The following MAP3K20 variants were observed in gnomAD, a reference collection of about 807,000 sequenced individuals.
MAP3K20 encodes the protein mitogen-activated protein kinase kinase kinase 20.
In MAP3K20, 40 loss-of-function variants were observed where a neutral mutation model predicts 85.7. The ratio of observed to expected loss-of-function variants is 0.47; its 90% CI spans 0.36 to 0.61. The LOEUF (loss-of-function observed/expected upper bound fraction) is 0.61. Ranked by LOEUF, MAP3K20 falls within the 20% of genes least tolerant of loss-of-function variation. MAP3K20 has a pLI of 0.00. For synonymous variants in MAP3K20, 325 were observed against 327.7 expected (o/e 0.99, Z 0.09); for missense variants, 817 against 961.7 (o/e 0.85, Z 1.99).
chr2:173,254,433 CAAA>C (rs755879153), intron 16 of MAP3K20, among the ~76,000 whole-genome samples: 16 of 65,988 alleles, frequency 2.4e-4, no homozygotes, highest in African/African-American at 1.9e-4. Context: ...GACTTCGTCT[CAAA>C]AAAAAAAAAA....
intron 2 of MAP3K20, among the ~76,000 whole-genome samples, chr2:173,120,701 C>CTTTTTTTTTTTT (rs56084110): frequency 4.1e-5 from 2 of 49,214 alleles, no homozygotes; most frequent in East Asian, 8.2e-4. Flanking sequence ...ACTCTCACTT[C>CTTTTTTTTTTTT]TTTTTTTTTT....
At chr2:173,167,166 C>T (rs950787542) in intron 2 of MAP3K20, among the ~76,000 whole-genome samples, 1 of 151,956 alleles carries the variant, frequency 6.6e-6, no homozygotes, top group African/African-American at 2.4e-5. Context: ...CCACCCGCCT[C>T]GGCCTCCCAA....
chr2:173,170,179 C>A (rs1689958280), intron 3 of MAP3K20, among the ~76,000 whole-genome samples: 1 of 152,208 alleles, frequency 6.6e-6, no homozygotes. Flanking sequence ...ACTAAAATTT[C>A]ATTTAATTAG....
intron 2 of MAP3K20, among the ~76,000 whole-genome samples, chr2:173,161,933 C>A (rs1244421163): frequency 6.6e-6 from 1 of 152,068 alleles, no homozygotes; most frequent in Non-Finnish European, 1.5e-5. Flanking sequence ...TTTCCTGACC[C>A]AATCCTAGGG....
At chr2:173,183,940 C>A (rs533647942) in intron 4 of MAP3K20, among the ~76,000 whole-genome samples, 76 of 152,198 alleles carry the variant, frequency 5.0e-4, no homozygotes, top group African/African-American at 1.8e-3. Flanking sequence ...CCAAATTCTT[C>A]AAATAGGGAA....
At chr2:173,080,558 C>T (rs563928544) in intron 1 of MAP3K20, among the ~76,000 whole-genome samples, 1 of 152,342 alleles carries the variant, frequency 6.6e-6, no homozygotes, top group South Asian at 2.1e-4. Flanking sequence ...AATTAACCTA[C>T]TCCCAGGATA....
chr2:173,079,890 CT>C (rs1211064426), intron 1 of MAP3K20, among the ~76,000 whole-genome samples: 4,241 of 139,778 alleles, frequency 0.03, 137 homozygotes, highest in African/African-American at 0.09. Flanking sequence ...AGTTAATTTT[CT>C]TTTTTTTTTT....
intron 2 of MAP3K20, among the ~76,000 whole-genome samples, chr2:173,118,773 A>T (rs1688195876): frequency 6.6e-6 from 1 of 152,154 alleles, no homozygotes; most frequent in Non-Finnish European, 1.5e-5. Flanking sequence ...ATCATCTTAT[A>T]TGTTGAACTT....
At chr2:173,136,165 A>C (rs1688795278) in intron 2 of MAP3K20, among the ~76,000 whole-genome samples, 1 of 152,212 alleles carries the variant, frequency 6.6e-6, no homozygotes. Context: ...TTCCACTTTT[A>C]GGGAAAAAGG....
In MAP3K20 at chr2:173,239,472, C is replaced by G; in HGVS notation, c.1335C>G (p.His445Gln). The change falls in exon 16 of 20, where the codon CAC (histidine) becomes CAG (glutamine). Residue 445 changes from histidine (H) to glutamine (Q), a missense_variant. Physicochemically the swap from His to Gln is conservative, Grantham distance 24 (BLOSUM62 0). This residue lies in a region of MAP3K20 where 454 missense variants were observed against 476.9 expected (regional missense o/e 0.95). Transcript: ENST00000375213. ...IVNLELVFGFHLKPGTGPQDC... is the reference protein window; with the variant it reads ...IVNLELVFGFQLKPGTGPQDC... ...ACCTGGAACTGGTTTTTGGTTTTCACTTGAAACCAGGAACTGGCCCACAGG... is the reference window on the plus strand; with the variant it reads ...ACCTGGAACTGGTTTTTGGTTTTCAGTTGAAACCAGGAACTGGCCCACAGG... 1 of 1,613,148 alleles carries G rather than the reference C, an allele frequency of 6.2e-7. No individual in the cohort carries two copies.
chr2:173,254,808 T>A (rs1043080471), intron 16 of MAP3K20, among the ~76,000 whole-genome samples: 2 of 152,202 alleles, frequency 1.3e-5, no homozygotes, highest in African/African-American at 4.8e-5. Context: ...TATAAGGAAT[T>A]CCATTACTTT....
intron 2 of MAP3K20, among the ~76,000 whole-genome samples, chr2:173,115,307 C>T (rs1266671258): frequency 1.3e-5 from 2 of 152,132 alleles, no homozygotes; most frequent in African/African-American, 2.4e-5. Flanking sequence ...TTTCTCCCTT[C>T]ACTTCTTGTA....
intron 2 of MAP3K20, among the ~76,000 whole-genome samples, chr2:173,116,180 A>G (rs926736393): frequency 5.9e-5 from 9 of 152,108 alleles, no homozygotes; most frequent in African/African-American, 2.2e-4. Flanking sequence ...GACAAGTAAA[A>G]TGGTATATAT....
intron 11 of MAP3K20, chr2:173,223,365 T>C: frequency 1.1e-6 from 1 of 879,128 alleles, no homozygotes; most frequent in Non-Finnish European, 1.4e-6. Context: ...CTTGAAAGGA[T>C]CATTGTGCGG....
At chr2:173,226,580 G>A in intron 11 of MAP3K20, 1 of 985,802 alleles carries the variant, frequency 1.0e-6, no homozygotes, top group Non-Finnish European at 1.2e-6. Flanking sequence ...TATCCATCAG[G>A]AAATCTAGAA....
chr2:173,127,445 C>A (rs1278379147), intron 2 of MAP3K20, among the ~76,000 whole-genome samples: 1 of 152,114 alleles, frequency 6.6e-6, no homozygotes, highest in East Asian at 1.9e-4. Flanking sequence ...TTAGAATTAG[C>A]AGTATCTTTC....
chr2:173,081,706 G>C (rs1276860200), intron 1 of MAP3K20, among the ~76,000 whole-genome samples: 2 of 152,184 alleles, frequency 1.3e-5, no homozygotes, highest in Non-Finnish European at 2.9e-5. Context: ...AATTGAAGAA[G>C]ATGGCCAAAT....
intron 19 of MAP3K20, 30 bp from the exon 20 acceptor site, chr2:173,266,019 TA>T (rs1685410278): frequency 6.5e-7 from 1 of 1,537,836 alleles, no homozygotes; most frequent in South Asian, 1.2e-5. Context: ...TAGTGTGGCT[TA>T]AAAGATGCTC....
chr2:173,133,664 A>G (rs1688679295), intron 2 of MAP3K20, among the ~76,000 whole-genome samples: 1 of 152,104 alleles, frequency 6.6e-6, no homozygotes, highest in Admixed American at 6.5e-5. Context: ...CACATAGCCC[A>G]CAACAAGGAC....
Sources: gnomAD v4.1 joint callset for allele counts (sites outside exome capture counted in the v4.1 genomes callset) on GRCh38, gnomAD v4.1.1 for gene constraint, gnomAD v4.1.1 regional missense constraint, MANE v1.5 for transcripts, NCBI Gene and HGNC (gene_info 2026-07-23, HGNC 2026-07-21) for gene names.